ERBB4: variants seen among roughly 807,000 people sequenced by gnomAD.
ERBB4 encodes the protein receptor tyrosine-protein kinase erbB-4.
Under a neutral mutation model 158.0 loss-of-function variants are expected in ERBB4, and 42 were observed. The observed-to-expected ratio is 0.27, with a 90% confidence interval of 0.21 to 0.34. The LOEUF (loss-of-function observed/expected upper bound fraction) is 0.34, where lower values mean the gene tolerates loss of function less well. Among genes scored for constraint, ERBB4 ranks in the 10% least tolerant of loss-of-function variants. ERBB4 has a pLI of 1.00. For missense variants in ERBB4, 1,333 were observed against 1,624.1 expected (o/e 0.82, Z 3.08); for synonymous variants, 583 against 558.7 (o/e 1.04, Z -0.61).
At chr2:212,437,721 T>A (rs1413534201) in intron 1 of ERBB4, among the ~76,000 whole-genome samples, 1 of 152,104 alleles carries the variant, frequency 6.6e-6, no homozygotes, top group African/African-American at 2.4e-5. Context: ...CTTTCTGCCT[T>A]GCTCTTTATG....
intron 1 of ERBB4, among the ~76,000 whole-genome samples, chr2:212,428,730 G>C (rs940249609): frequency 8.5e-5 from 13 of 152,150 alleles, no homozygotes; most frequent in Non-Finnish European, 1.8e-4. Context: ...TAAGTCCAGT[G>C]AGAAGTTTAA....
At chr2:211,498,220 T>G (rs1219427655) in intron 20 of ERBB4, among the ~76,000 whole-genome samples, 2 of 152,086 alleles carry the variant, frequency 1.3e-5, no homozygotes, top group Admixed American at 6.5e-5. Context: ...TCTATAACTA[T>G]CAGTGTTCTA....
At position 212,430,324 on chromosome 2, in the gene ERBB4, C is replaced by A. The variant is rs2091999007; in HGVS notation, c.82+108125G>T. ...AAACATCTTATTTAAGCCAGAAGAA[C>A]ATTTTTAAAACATAAAACCTGTTAA... is the stretch of plus-strand genomic sequence containing the variant. On this transcript the variant is annotated intron_variant, in intron 1 of 27. Coordinates refer to ENST00000342788, the MANE Select transcript of ERBB4 (RefSeq NM_005235.3). Among the ~76,000 whole-genome samples the A allele has an allele frequency of 2.0e-5, 3 of 152,100 alleles. No homozygotes were observed. The South Asian group carries it at 6.2e-4, about 32-fold the overall frequency.
intron 1 of ERBB4, among the ~76,000 whole-genome samples, chr2:212,325,725 T>C (rs1356647179): frequency 4.7e-5 from 7 of 150,344 alleles, no homozygotes; most frequent in Non-Finnish European, 7.5e-5. Context: ...GGAGAGGATG[T>C]AAGCAAAAGC....
chr2:212,240,666 A>AAAAAAAAAAAAAAC (rs2084065587), intron 1 of ERBB4, among the ~76,000 whole-genome samples: 1 of 144,968 alleles, frequency 6.9e-6, no homozygotes, highest in Non-Finnish European at 1.5e-5. Context: ...AAAAAAAAAA[A>AAAAAAAAAAAAAAC]ACAGAAAAAA....
At chr2:211,711,379 T>C (rs1388400563) in intron 9 of ERBB4, among the ~76,000 whole-genome samples, 1 of 152,132 alleles carries the variant, frequency 6.6e-6, no homozygotes, top group Non-Finnish European at 1.5e-5. Context: ...TATAGACAAA[T>C]AGATAACATA....
In ERBB4 at chr2:212,535,329, A is replaced by C. The variant is rs146962473; in HGVS notation, c.82+3120T>G. Among the ~76,000 whole-genome samples, 676 of 152,298 alleles carry C rather than the reference A, an allele frequency of 4.4e-3. 4 individuals are homozygous for C. The highest frequency in any genetic ancestry group is 5.4e-3 in the Non-Finnish European group (368 of 68,004). On this transcript the variant is annotated intron_variant, in intron 1 of 27. Transcript: ENST00000342788. ...TAAACACTTGTAAGAAAGAGAATTG[A>C]TGCTTTCTTGAAAATATATTTAACA...
intron 4 of ERBB4, among the ~76,000 whole-genome samples, chr2:211,783,752 C>G (rs560926275): frequency 6.6e-6 from 1 of 152,260 alleles, no homozygotes; most frequent in South Asian, 2.1e-4. Context: ...TTTTGATGTG[C>G]TGTTAGATTC....
At chr2:212,535,408 C>A (rs1169478779) in intron 1 of ERBB4, among the ~76,000 whole-genome samples, 1 of 152,092 alleles carries the variant, frequency 6.6e-6, no homozygotes, top group East Asian at 1.9e-4. Flanking sequence ...TGAAAAATAA[C>A]CCCATGATTT....
At chr2:212,478,148 T>C (rs1415622541) in intron 1 of ERBB4, among the ~76,000 whole-genome samples, 1 of 152,116 alleles carries the variant, frequency 6.6e-6, no homozygotes, top group African/African-American at 2.4e-5. Context: ...AAAAATTTTG[T>C]CCAAACACAA....
chr2:211,755,367 T>C (rs1291877682), intron 4 of ERBB4, among the ~76,000 whole-genome samples: 1 of 152,120 alleles, frequency 6.6e-6, no homozygotes, highest in African/African-American at 2.4e-5. Flanking sequence ...TCGGGCTTGT[T>C]GGCGCACGCC....
intron 2 of ERBB4, among the ~76,000 whole-genome samples, chr2:212,000,124 C>T (rs1324494390): frequency 6.6e-6 from 1 of 151,596 alleles, no homozygotes. Context: ...TTAACACTAC[C>T]ATTTAGTTTC....
rs570006497 is a variant in ERBB4 at position 211,734,909 on chromosome 2, CA to C, written c.623-9716del. On this transcript the variant is annotated intron_variant, in intron 5 of 27. Coordinates refer to ENST00000342788, the MANE Select transcript of ERBB4 (RefSeq NM_005235.3). ...GCCTGGGCGACAAGCGAGACTCTGT[CA>C]AAAAAAAAAAAAAAAAAAAAAGACG... 3.7e-3 allele frequency among the ~76,000 whole-genome samples: 254 copies of C among 69,254 alleles called. 2 individuals are homozygous for C. The highest frequency in any genetic ancestry group is 0.011 in the Middle Eastern group (1 of 92). The allele number at this position is 69,254 out of a possible 152,430, so 45.4% of individuals were successfully genotyped here.
intron 20 of ERBB4, among the ~76,000 whole-genome samples, chr2:211,503,254 G>A (rs1055747034): frequency 1.3e-5 from 2 of 151,988 alleles, no homozygotes; most frequent in African/African-American, 4.8e-5. Flanking sequence ...ATGACTCTGG[G>A]CACCCACCCT....
At chr2:212,015,954 A>G (rs531466757) in intron 2 of ERBB4, among the ~76,000 whole-genome samples, 2 of 152,018 alleles carry the variant, frequency 1.3e-5, no homozygotes, top group East Asian at 3.9e-4. Flanking sequence ...TATGTTTTAT[A>G]CCAAAATAGA....
At chr2:211,987,100 C>CA (rs1291388321) in intron 2 of ERBB4, among the ~76,000 whole-genome samples, 1 of 151,980 alleles carries the variant, frequency 6.6e-6, no homozygotes, top group Non-Finnish European at 1.5e-5. Context: ...GTGGCTGGAT[C>CA]ACCTGAGGTC....
At chr2:211,819,774 GA>G (rs545434481) in intron 3 of ERBB4, among the ~76,000 whole-genome samples, 18 of 151,738 alleles carry the variant, frequency 1.2e-4, no homozygotes, top group Non-Finnish European at 2.5e-4. Flanking sequence ...AACTAGAGGT[GA>G]AAAAAACAGT....
intron 2 of ERBB4, among the ~76,000 whole-genome samples, chr2:212,083,335 A>C (rs1015830811): frequency 6.6e-6 from 1 of 151,996 alleles, no homozygotes; most frequent in African/African-American, 2.4e-5. Context: ...AAACCATTTA[A>C]AGAGCTATAA....
chr2:211,426,558 A>G (rs1055369903), intron 22 of ERBB4, among the ~76,000 whole-genome samples: 1 of 152,040 alleles, frequency 6.6e-6, no homozygotes, highest in African/African-American at 2.4e-5. Flanking sequence ...GGATTTTGCA[A>G]CTCAACATGA....
Sources: gnomAD v4.1 joint callset for allele counts (sites outside exome capture counted in the v4.1 genomes callset) on GRCh38, gnomAD v4.1.1 for gene constraint, MANE v1.5 for transcripts, NCBI Gene and HGNC (gene_info 2026-07-23, HGNC 2026-07-21) for gene names.